ARK2C: variants seen among roughly 807,000 people sequenced by gnomAD.
ARK2C encodes the protein E3 ubiquitin-protein ligase ARK2C.
chr18:46,430,749 C>A, the ARK2C span, among the ~76,000 whole-genome samples: 1 of 152,120 alleles, frequency 6.6e-6, no homozygotes, highest in Non-Finnish European at 1.5e-5. Flanking sequence ...TTTCCAAGAG[C>A]TCCTTTTCTT....
At chr18:46,342,247 G>A in the ARK2C span, among the ~76,000 whole-genome samples, 1 of 152,178 alleles carries the variant, frequency 6.6e-6, no homozygotes, top group Non-Finnish European at 1.5e-5. Context: ...TTGGACACTC[G>A]ACTATGGCCC....
the ARK2C span, among the ~76,000 whole-genome samples, chr18:46,368,524 G>C: frequency 6.6e-6 from 1 of 152,182 alleles, no homozygotes; most frequent in Non-Finnish European, 1.5e-5. Context: ...GCTTGGCCTG[G>C]GTTTTGTTCC....
chr18:46,345,713 T>C, the ARK2C span, among the ~76,000 whole-genome samples: 1 of 152,210 alleles, frequency 6.6e-6, no homozygotes, highest in African/African-American at 2.4e-5. Flanking sequence ...AACAAGCAAC[T>C]CTTCTACCTC....
chr18:46,382,541 A>G, the ARK2C span, among the ~76,000 whole-genome samples: 1 of 152,136 alleles, frequency 6.6e-6, no homozygotes, highest in Non-Finnish European at 1.5e-5. Context: ...CTCACTGCTT[A>G]TTTTACTTAC....
the ARK2C span, among the ~76,000 whole-genome samples, chr18:46,451,688 C>G: frequency 2.0e-5 from 3 of 152,040 alleles, no homozygotes; most frequent in Non-Finnish European, 2.9e-5. Flanking sequence ...ACTTGTAGTC[C>G]TAGTTACTAG....
chr18:46,398,506 C>T, the ARK2C span, among the ~76,000 whole-genome samples: 1 of 151,992 alleles, frequency 6.6e-6, no homozygotes, highest in Non-Finnish European at 1.5e-5. Flanking sequence ...GACAATTGGC[C>T]AGCAAATCTG....
chr18:46,425,032 C>G, the ARK2C span, among the ~76,000 whole-genome samples: 1 of 152,256 alleles, frequency 6.6e-6, no homozygotes, highest in African/African-American at 2.4e-5. Flanking sequence ...CTGCCCCTCC[C>G]TGGTGCCTTT....
At chr18:46,361,369 T>C in the ARK2C span, among the ~76,000 whole-genome samples, 1 of 152,200 alleles carries the variant, frequency 6.6e-6, no homozygotes, top group Admixed American at 6.5e-5. Flanking sequence ...AATCATTACA[T>C]ATGTCTGTGT....
the ARK2C span, among the ~76,000 whole-genome samples, chr18:46,378,979 G>C: frequency 4.6e-5 from 7 of 152,304 alleles, no homozygotes; most frequent in African/African-American, 1.4e-4. Flanking sequence ...GGACCTCACT[G>C]TCCCCAGGGC....
chr18:46,450,869 C>A, the ARK2C span: 85 of 1,153,278 alleles, frequency 7.4e-5, no homozygotes, highest in South Asian at 1.1e-3. Flanking sequence ...TTGACTCTGG[C>A]CTGGTTGTTC....
At chr18:46,426,332 A>G in the ARK2C span, among the ~76,000 whole-genome samples, 1 of 152,322 alleles carries the variant, frequency 6.6e-6, no homozygotes, top group Non-Finnish European at 1.5e-5. Context: ...TGTCACTGTT[A>G]TCCCCACCCA....
chr18:46,337,039 C>G, the ARK2C span: 2 of 985,304 alleles, frequency 2.0e-6, no homozygotes, highest in Non-Finnish European at 2.4e-6. Context: ...CCGCCCTGGC[C>G]CTCAGAGCTG....
the ARK2C span, among the ~76,000 whole-genome samples, chr18:46,419,920 T>G: frequency 6.6e-6 from 1 of 152,182 alleles, no homozygotes; most frequent in East Asian, 1.9e-4. Context: ...TCCTTTCTCA[T>G]GTATTTCCAC....
At chr18:46,386,292 T>A in the ARK2C span, 2 of 152,236 alleles carry the variant, frequency 1.3e-5, no homozygotes, top group Non-Finnish European at 2.9e-5. Flanking sequence ...ATCAGCATTG[T>A]CATCGTTGCC....
At chr18:46,360,213 C>A in the ARK2C span, among the ~76,000 whole-genome samples, 2 of 152,200 alleles carry the variant, frequency 1.3e-5, no homozygotes, top group African/African-American at 4.8e-5. Flanking sequence ...CCTCCTCTCC[C>A]GCATGGGGCC....
At chr18:46,425,216 G>A in the ARK2C span, among the ~76,000 whole-genome samples, 17 of 152,126 alleles carry the variant, frequency 1.1e-4, no homozygotes, top group Non-Finnish European at 2.4e-4. Flanking sequence ...TCGGGCTTCC[G>A]GGGAACCCCA....
chr18:46,462,858 G>C, the ARK2C span: 1 of 152,236 alleles, frequency 6.6e-6, no homozygotes, highest in African/African-American at 2.4e-5. Flanking sequence ...CCCTCGAGGG[G>C]GTAATTTTGT....
the ARK2C span, among the ~76,000 whole-genome samples, chr18:46,368,884 A>G: frequency 4.6e-5 from 7 of 152,252 alleles, no homozygotes; most frequent in Non-Finnish European, 8.8e-5. Context: ...GAGAATTTAG[A>G]TGAGTTAGTA....
chr18:46,455,771 G>A, the ARK2C span, among the ~76,000 whole-genome samples: 3 of 152,206 alleles, frequency 2.0e-5, no homozygotes, highest in Non-Finnish European at 4.4e-5. Context: ...GGAGGTGGAA[G>A]TTGCAGTGAG....
Sources: allele counts gnomAD v4.1 joint callset (sites outside exome capture counted in the v4.1 genomes callset), GRCh38; gene constraint gnomAD v4.1.1; transcripts MANE v1.5; gene names NCBI Gene and HGNC (gene_info 2026-07-23, HGNC 2026-07-21).